The following PUDP variants were observed in gnomAD, a reference collection of about 807,000 sequenced individuals.
PUDP encodes the protein pseudouridine-5'-phosphatase.
Under a neutral mutation model 9.4 loss-of-function variants are expected in PUDP, and 8 were observed. The ratio of observed to expected loss-of-function variants is 0.85; its 90% CI spans 0.50 to 1.53. The LOEUF is 1.53. Ranked by LOEUF, PUDP falls within the 40% of genes most tolerant of loss-of-function variation. The probability of loss-of-function intolerance (pLI) is 0.00; values close to 1 mark genes in which losing one functional copy is unlikely to be tolerated. For missense variants in PUDP, 188 were observed against 189.7 expected (o/e 0.99, Z 0.05); for synonymous variants, 99 against 80.7 (o/e 1.23, Z -1.22).
rs776985229 is a variant in PUDP, at chrX:6,887,208, C to T, written c.*247+89925G>A. On this transcript the variant is annotated intron_variant and NMD_transcript_variant, in intron 3 of 3. Coordinates refer to the PUDP transcript ENST00000655425. ...ATTTATAATTAAATATATTTATTTA[C>T]AAATAAATATATTATTGTATGCATT... Among the ~76,000 whole-genome samples, 5 of 103,659 alleles carry T rather than the reference C, an allele frequency of 4.8e-5. No homozygotes were observed. The South Asian group carries it at 1.6e-3, about 33-fold the overall frequency. 90.0% of individuals were successfully genotyped at this position (103,659 alleles called of 115,157 possible). A position where few individuals can be genotyped will look rare whatever the true frequency, so the allele number is the denominator to read the frequency against.
intron 3 of PUDP, among the ~76,000 whole-genome samples, chrX:6,837,033 C>T (rs1178777056): frequency 8.9e-6 from 1 of 112,414 alleles, no homozygotes; most frequent in Non-Finnish European, 1.9e-5. Context: ...TGCATTTGGG[C>T]ACCAATGAGC....
chrX:7,080,800 A>G (rs1477701409), intron 2 of PUDP, among the ~76,000 whole-genome samples: 1 of 110,102 alleles, frequency 9.1e-6, no homozygotes, highest in African/African-American at 3.3e-5. Flanking sequence ...TGCGTCCTGT[A>G]ACCCGTTACT....
At chrX:6,902,794 C>G (rs1415645515) in intron 3 of PUDP, among the ~76,000 whole-genome samples, 2 of 111,720 alleles carry the variant, frequency 1.8e-5, no homozygotes, top group Non-Finnish European at 3.8e-5. Context: ...AGTGTTCGCT[C>G]TCTGGAACTT....
chrX:7,122,437 G>A (rs1932369387), intron 1 of PUDP, among the ~76,000 whole-genome samples: 1 of 111,604 alleles, frequency 9.0e-6, no homozygotes, highest in Non-Finnish European at 1.9e-5. Flanking sequence ...CCCTTCCTGT[G>A]TACTTCCTTT....
At chrX:6,714,669 G>T (rs1181977246) in intron 1 of PUDP, among the ~76,000 whole-genome samples, 2 of 111,380 alleles carry the variant, frequency 1.8e-5, no homozygotes, top group Non-Finnish European at 3.8e-5. Flanking sequence ...ATTGATAGAT[G>T]TGATAAATAG....
chrX:6,868,969 GAGA>G (rs1367139836), intron 3 of PUDP, among the ~76,000 whole-genome samples: 1 of 111,903 alleles, frequency 8.9e-6, no homozygotes, highest in Non-Finnish European at 1.9e-5. Context: ...TCCAAACCCA[GAGA>G]AGAAGAATTA....
intron 2 of PUDP, among the ~76,000 whole-genome samples, chrX:7,083,855 C>G (rs1206645650): frequency 1.9e-5 from 2 of 103,198 alleles, no homozygotes; most frequent in Admixed American, 2.1e-4. Context: ...CAGCCGAGAT[C>G]ACACCACTGC....
rs1184449340 is a variant in PUDP, at chrX:7,105,642, G to A, written c.258C>T (p.Phe86=). 1.7e-6 allele frequency: 2 copies of A among 1,206,539 alleles called. No homozygotes were observed. The highest frequency in any genetic ancestry group is 2.2e-6 in the Non-Finnish European group (2 of 893,751). Residue 86 remains phenylalanine (F), a synonymous_variant, in exon 2 of 4, where the codon TTC becomes TTT. Transcript: ENST00000381077. ...EESQTKLKEV[F]PTAALMPGAE... is the part of the protein sequence containing the mutation. ...CACCTGGCATGAGCGCAGCCGTGGG[G>A]AACACTTCCTTTAACTTCGTTTGGC... is the stretch of plus-strand genomic sequence containing the variant.
rs186943355 is a variant in PUDP at position 6,789,416 on chromosome X, C to T, written c.*248-82950G>A. On this transcript the variant is annotated intron_variant and NMD_transcript_variant, in intron 3 of 3. Coordinates refer to the PUDP transcript ENST00000655425. ...CCATAGGCAGGGAATGTGGGTCACT[C>T]GGGACCTTGGGGTCTTGAGAAGGAA... Among the ~76,000 whole-genome samples, 225 of 111,535 alleles carry T rather than the reference C, an allele frequency of 2.0e-3. 1 individual carries two copies. Among genetic ancestry groups the T allele is most frequent in the African/African-American group, 7.1e-3 (219 of 30,701 alleles).
At chrX:6,884,374 C>T (rs1927392444) in intron 3 of PUDP, among the ~76,000 whole-genome samples, 1 of 111,257 alleles carries the variant, frequency 9.0e-6, no homozygotes, top group Admixed American at 9.6e-5. Context: ...TAGAATAGCC[C>T]ATAGAGTGTT....
chrX:6,968,262 C>G (rs1386543981), intron 3 of PUDP, among the ~76,000 whole-genome samples: 1 of 112,326 alleles, frequency 8.9e-6, no homozygotes, highest in African/African-American at 3.2e-5. Flanking sequence ...CCGTGTAGTA[C>G]ACAGTGGATA....
At chrX:6,886,810 C>A (rs1927430039) in intron 3 of PUDP, among the ~76,000 whole-genome samples, 1 of 110,270 alleles carries the variant, frequency 9.1e-6, no homozygotes, top group African/African-American at 3.3e-5. Flanking sequence ...TTTAGCTAAA[C>A]TATTGTCTGA....
At chrX:7,135,092 T>C (rs147338841) in intron 1 of PUDP, among the ~76,000 whole-genome samples, 4,682 of 111,386 alleles carry the variant, frequency 0.042, 233 homozygotes, top group African/African-American at 0.14. Context: ...AGGAAGTCTT[T>C]TCCTCCCATC....
chrX:7,055,594 C>T (rs1458328551), intron 3 of PUDP, among the ~76,000 whole-genome samples: 1 of 110,777 alleles, frequency 9.0e-6, no homozygotes, highest in Non-Finnish European at 1.9e-5. Flanking sequence ...TTCGTTACAC[C>T]CAAAGATCTA....
chrX:6,839,327 T>C (rs1044852960), intron 3 of PUDP, among the ~76,000 whole-genome samples: 1 of 111,698 alleles, frequency 9.0e-6, no homozygotes, highest in African/African-American at 3.3e-5. Context: ...AGGTCCCTCA[T>C]GTCTGATTTT....
At chrX:7,057,704 C>A (rs906286982) in intron 3 of PUDP, 1 of 1,151,303 alleles carries the variant, frequency 8.7e-7, no homozygotes, top group Non-Finnish European at 1.1e-6. Flanking sequence ...GCTGGAGGTG[C>A]GGTCAGGTGT....
intron 1 of PUDP, among the ~76,000 whole-genome samples, chrX:6,711,243 T>C (rs1446141092): frequency 9.0e-6 from 1 of 111,252 alleles, no homozygotes; most frequent in Non-Finnish European, 1.9e-5. Context: ...CAAGCAGGTA[T>C]GAACAAAATC....
intron 3 of PUDP, among the ~76,000 whole-genome samples, chrX:6,755,469 T>C (rs750958653): frequency 8.9e-6 from 1 of 112,282 alleles, no homozygotes; most frequent in African/African-American, 3.2e-5. Context: ...AATAGTCATG[T>C]TTTCTTCTCT....
At chrX:7,123,448 AAAAAAG>A (rs377130056) in intron 1 of PUDP, among the ~76,000 whole-genome samples, 3 of 112,264 alleles carry the variant, frequency 2.7e-5, no homozygotes, top group African/African-American at 9.7e-5. Flanking sequence ...ATCTAAAGTT[AAAAAAG>A]GCAGTAATAA....
Sources: gnomAD v4.1 joint callset for allele counts (sites outside exome capture counted in the v4.1 genomes callset) on GRCh38, gnomAD v4.1.1 for gene constraint, MANE v1.5 for transcripts, NCBI Gene and HGNC (gene_info 2026-07-23, HGNC 2026-07-21) for gene names.